The following SEC63 variants were observed in gnomAD, a reference collection of about 807,000 sequenced individuals.
SEC63 encodes the protein SEC63 protein translocation regulator, also known as translocation protein SEC63 homolog.
SEC63 carries 56 observed loss-of-function variants against 116.2 expected under a neutral mutation model. That is an observed-to-expected ratio of 0.48 (90% CI 0.39 to 0.60). The LOEUF (loss-of-function observed/expected upper bound fraction) is 0.60, where lower values mean the gene tolerates loss of function less well. Ranked by LOEUF, SEC63 falls within the 20% of genes least tolerant of loss-of-function variation. The pLI is 0.00. For missense variants in SEC63, 668 were observed against 900.0 expected (o/e 0.74, Z 3.30); for synonymous variants, 273 against 294.6 (o/e 0.93, Z 0.75).
intron 4 of SEC63, among the ~76,000 whole-genome samples, chr6:107,919,882 T>C (rs1464098468): frequency 6.6e-6 from 1 of 151,752 alleles, no homozygotes; most frequent in Non-Finnish European, 1.5e-5. Flanking sequence ...TCAAATAGCA[T>C]CACATGCTAG....
intron 12 of SEC63, among the ~76,000 whole-genome samples, chr6:107,902,135 C>T (rs1787019061): frequency 1.3e-5 from 2 of 152,036 alleles, no homozygotes; most frequent in Non-Finnish European, 2.9e-5. Context: ...CATGTAAAAT[C>T]TCTGCTTTTA....
At chr6:107,932,572 G>C (rs1233182115) in intron 1 of SEC63, among the ~76,000 whole-genome samples, 1 of 152,174 alleles carries the variant, frequency 6.6e-6, no homozygotes, top group Non-Finnish European at 1.5e-5. Context: ...ATATATTAAA[G>C]ATACCTGGAG....
intron 19 of SEC63, among the ~76,000 whole-genome samples, chr6:107,874,935 A>G (rs1288640714): frequency 6.6e-6 from 1 of 152,252 alleles, no homozygotes; most frequent in Non-Finnish European, 1.5e-5. Flanking sequence ...ATCTGAATAC[A>G]GACTGCGTAT....
At chr6:107,899,170 G>A (rs995474243) in intron 13 of SEC63, among the ~76,000 whole-genome samples, 5 of 152,204 alleles carry the variant, frequency 3.3e-5, no homozygotes, top group African/African-American at 1.2e-4. Flanking sequence ...GCAAGGTAGG[G>A]AAGGAGATCC....
chr6:107,924,307 G>A (rs928132269), intron 3 of SEC63, among the ~76,000 whole-genome samples: 8 of 149,150 alleles, frequency 5.4e-5, no homozygotes, highest in African/African-American at 7.4e-5. Flanking sequence ...GGCCGGGCGC[G>A]GTGGCTCACG....
chr6:107,882,989 G>A lies in SEC63; in HGVS notation c.1832C>T (p.Ala611Val). 1 of 1,574,316 alleles carries A rather than the reference G, an allele frequency of 6.4e-7. No individual in the cohort carries two copies. Among genetic ancestry groups the A allele is most frequent in the Admixed American group, 1.7e-5 (1 of 59,940 alleles). Residue 611 changes from alanine (A) to valine (V), a missense_variant and splice_region_variant, in exon 17 of 21, where the codon GCA becomes GTA. Physicochemically the swap from Ala to Val is moderately conservative, Grantham distance 64. This residue lies in a region of SEC63 where 430 missense variants were observed against 557.5 expected (regional missense o/e 0.77). Coordinates refer to ENST00000369002, the MANE Select transcript of SEC63 (RefSeq NM_007214.5). ...QDEKQNKDDE[A>V]EWQELQQSIQ... Reference sequence around the variant, plus strand: ...ATTATTTAAACCTATAAGGCTTACTGCTTCATCATCTTTGTTTTGTTTTTC... The same window carrying A: ...ATTATTTAAACCTATAAGGCTTACTACTTCATCATCTTTGTTTTGTTTTTC...
At chr6:107,939,481 A>G (rs1357255818) in intron 1 of SEC63, among the ~76,000 whole-genome samples, 1 of 151,926 alleles carries the variant, frequency 6.6e-6, no homozygotes, top group Non-Finnish European at 1.5e-5. Flanking sequence ...CTATCAAAAA[A>G]AGGCTCATGC....
At chr6:107,953,788 G>GT (rs1297889133) in intron 1 of SEC63, among the ~76,000 whole-genome samples, 8 of 124,486 alleles carry the variant, frequency 6.4e-5, no homozygotes, top group African/African-American at 5.7e-5. Flanking sequence ...CGTCCGGGAG[G>GT]GAGGTGGGGG....
intron 1 of SEC63, chr6:107,956,112 A>G: frequency 4.8e-6 from 1 of 210,068 alleles, no homozygotes; most frequent in Non-Finnish European, 1.0e-5. Context: ...CCCCGCTTTA[A>G]AAAGAAAAAA....
intron 7 of SEC63, among the ~76,000 whole-genome samples, chr6:107,910,792 A>G (rs149969081): frequency 6.6e-6 from 1 of 152,110 alleles, no homozygotes; most frequent in African/African-American, 2.4e-5. Context: ...TCTTTGAGAC[A>G]GAGTCTCGCT....
At position 107,898,443 on chromosome 6, in the gene SEC63, C is replaced by T. The variant is rs895065059; in HGVS notation, c.1358-712G>A. ...GGTTCTGTCACCCTATTAAACTGTG[C>T]AAACCTTACATTCACAAGATTTTAC... On this transcript the variant is annotated intron_variant, in intron 13 of 20. Coordinates refer to ENST00000369002, the MANE Select transcript of SEC63 (RefSeq NM_007214.5). Among the ~76,000 whole-genome samples the T allele has an allele frequency of 1.1e-4, 17 of 152,182 alleles. No individual in the cohort carries two copies. In the East Asian group the frequency reaches 3.3e-3, roughly 29 times the overall value.
At chr6:107,872,618 T>C (rs918708624) in intron 20 of SEC63, among the ~76,000 whole-genome samples, 190 bp downstream of exon 20, 1 of 152,174 alleles carries the variant, frequency 6.6e-6, no homozygotes, top group South Asian at 2.1e-4. Flanking sequence ...TCTAAACTGT[T>C]ACACTCCTTA....
At chr6:107,891,415 T>C (rs1175529950) in intron 16 of SEC63, among the ~76,000 whole-genome samples, 1 of 152,034 alleles carries the variant, frequency 6.6e-6, no homozygotes. Context: ...TCCAGCTCCA[T>C]CAGGTCATTT....
chr6:107,945,995 G>A (rs771814137), intron 1 of SEC63, among the ~76,000 whole-genome samples: 6 of 152,020 alleles, frequency 3.9e-5, no homozygotes, highest in Non-Finnish European at 8.8e-5. Flanking sequence ...GGAGTGCAGT[G>A]GTGCGATCTC....
intron 13 of SEC63, among the ~76,000 whole-genome samples, chr6:107,899,075 G>A (rs1288987116): frequency 6.6e-6 from 1 of 152,200 alleles, no homozygotes; most frequent in East Asian, 1.9e-4. Flanking sequence ...AGCAGGTCAT[G>A]TGAAATAACT....
intron 1 of SEC63, among the ~76,000 whole-genome samples, chr6:107,947,084 T>G (rs1345006554): frequency 6.6e-6 from 1 of 152,106 alleles, no homozygotes; most frequent in Non-Finnish European, 1.5e-5. Flanking sequence ...AAGCTAGTTT[T>G]TTCTAATGTT....
chr6:107,890,872 T>C (rs1336432572), intron 16 of SEC63, among the ~76,000 whole-genome samples: 1 of 152,198 alleles, frequency 6.6e-6, no homozygotes, highest in Non-Finnish European at 1.5e-5. Flanking sequence ...AAAATTCTTT[T>C]CTTTAAGAAT....
At chr6:107,948,050 G>A (rs539188911) in intron 1 of SEC63, among the ~76,000 whole-genome samples, 13 of 152,198 alleles carry the variant, frequency 8.5e-5, no homozygotes, top group Admixed American at 7.9e-4. Flanking sequence ...ACACCTCCAT[G>A]CTTTTGCATA....
chr6:107,954,464 T>TAAAAAAAAAAAAAAAACAAAAA (rs796251218), intron 1 of SEC63: 1 of 61,708 alleles, frequency 1.6e-5, no homozygotes, highest in Non-Finnish European at 2.8e-5. Flanking sequence ...AATGATCAAT[T>TAAAAAAAAAAAAAAAACAAAAA]AAAAAAAAAA....
Sources: allele counts gnomAD v4.1 joint callset (sites outside exome capture counted in the v4.1 genomes callset), GRCh38; gene constraint gnomAD v4.1.1; regional missense constraint gnomAD v4.1.1; transcripts MANE v1.5; gene names NCBI Gene and HGNC (gene_info 2026-07-23, HGNC 2026-07-21).